Variants in SLC61A1 observed in about 807,000 individuals in gnomAD.
The protein encoded by SLC61A1 is solute carrier family 61 member 1.
the SLC61A1 span, chr12:53,251,929 G>C: frequency 6.5e-7 from 1 of 1,537,286 alleles, no homozygotes; most frequent in Non-Finnish European, 8.7e-7. Context: ...CAGAGGAGCA[G>C]GTGTCACGGG....
At chr12:53,253,212 A>T in the SLC61A1 span, 1 of 1,614,188 alleles carries the variant, frequency 6.2e-7, no homozygotes, top group East Asian at 2.2e-5. Context: ...CTCTCTCAAG[A>T]CTACTTTGTG....
chr12:53,251,685 C>G, the SLC61A1 span: 1 of 1,491,558 alleles, frequency 6.7e-7, no homozygotes, highest in Non-Finnish European at 8.9e-7. Flanking sequence ...AAGTTCTTTA[C>G]ACCACACCGC....
chr12:53,253,546 T>C, the SLC61A1 span: 1 of 1,614,186 alleles, frequency 6.2e-7, no homozygotes, highest in Non-Finnish European at 8.5e-7. Flanking sequence ...GGACCTGTGC[T>C]GGAGGCCTGC....
chr12:53,253,547 G>A, the SLC61A1 span: 1 of 1,614,138 alleles, frequency 6.2e-7, no homozygotes, highest in Non-Finnish European at 8.5e-7. Flanking sequence ...GACCTGTGCT[G>A]GAGGCCTGCG....
the SLC61A1 span, chr12:53,251,498 G>C: frequency 1.1e-5 from 6 of 530,678 alleles, no homozygotes; most frequent in African/African-American, 9.5e-5. Flanking sequence ...TAAGCTCCAA[G>C]GCTGAAGTTC....
At chr12:53,254,328 G>A in the SLC61A1 span, 2 of 1,054,944 alleles carry the variant, frequency 1.9e-6, no homozygotes, top group South Asian at 1.7e-5. Flanking sequence ...ACATGATGGG[G>A]GTGATGGACT....
chr12:53,252,142 G>T, the SLC61A1 span: 2 of 1,438,822 alleles, frequency 1.4e-6, no homozygotes, highest in East Asian at 2.5e-5. Context: ...CCCGGCTCCC[G>T]GAAGCAGGCT....
At chr12:53,252,630 C>T in the SLC61A1 span, 4 of 1,209,588 alleles carry the variant, frequency 3.3e-6, no homozygotes, top group Admixed American at 5.8e-5. Context: ...CTCCCTGCCC[C>T]ACAGTGTCCT....
chr12:53,254,360 C>T, the SLC61A1 span: 1 of 711,440 alleles, frequency 1.4e-6, no homozygotes, highest in South Asian at 2.0e-5. Flanking sequence ...GCCAAAAGTT[C>T]CCTCTGTGTT....
the SLC61A1 span, chr12:53,252,752 A>C: frequency 2.6e-6 from 4 of 1,542,334 alleles, no homozygotes; most frequent in Admixed American, 5.6e-5. Context: ...CCATCTGCTT[A>C]AGACAGCCCC....
the SLC61A1 span, chr12:53,252,096 C>A: frequency 6.9e-7 from 1 of 1,455,826 alleles, no homozygotes; most frequent in Admixed American, 2.7e-5. Context: ...GCCCCCGTCA[C>A]GTGATGAAGC....
At chr12:53,252,133 C>G in the SLC61A1 span, 1 of 1,440,542 alleles carries the variant, frequency 6.9e-7, no homozygotes, top group Non-Finnish European at 9.1e-7. Context: ...AGAGGCCTGC[C>G]CGGCTCCCGG....
chr12:53,253,555 G>GCGCTGCCTCCTGTCGGACCGC, the SLC61A1 span: 1 of 1,614,056 alleles, frequency 6.2e-7, no homozygotes, highest in Non-Finnish European at 8.5e-7. Context: ...CTGGAGGCCT[G>GCGCTGCCTCCTGTCGGACCGC]CGCTGCCTCC....
the SLC61A1 span, chr12:53,253,341 C>A: frequency 6.2e-7 from 1 of 1,614,258 alleles, no homozygotes. Context: ...TGGATCCCAG[C>A]TACCTTTGCT....
At chr12:53,252,079 G>T in the SLC61A1 span, 3 of 1,463,638 alleles carry the variant, frequency 2.0e-6, no homozygotes, top group Non-Finnish European at 2.7e-6. Flanking sequence ...CGGGGTTTTG[G>T]CGCCGCGCCC....
the SLC61A1 span, chr12:53,253,866 T>C: frequency 6.2e-7 from 1 of 1,614,208 alleles, no homozygotes; most frequent in Non-Finnish European, 8.5e-7. Context: ...GTGGAGTCCT[T>C]CATAGCCTTT....
chr12:53,252,912 C>G, the SLC61A1 span: 1 of 1,614,214 alleles, frequency 6.2e-7, no homozygotes, highest in South Asian at 1.1e-5. Flanking sequence ...AGATGCCGGG[C>G]TAAACCCCCT....
chr12:53,253,394 G>A, the SLC61A1 span: 1 of 1,614,154 alleles, frequency 6.2e-7, no homozygotes, highest in Non-Finnish European at 8.5e-7. Context: ...AGTGGCAGGT[G>A]TGGCAGCTGA....
At chr12:53,253,146 G>A in the SLC61A1 span, 18 of 1,614,092 alleles carry the variant, frequency 1.1e-5, no homozygotes, top group Admixed American at 2.3e-4. Flanking sequence ...TGGCTGGGTC[G>A]CAAGAATTCT....
Sources: gnomAD v4.1 joint callset for allele counts on GRCh38, gnomAD v4.1.1 for gene constraint, MANE v1.5 for transcripts, NCBI Gene and HGNC (gene_info 2026-07-23, HGNC 2026-07-21) for gene names.